Variants in CSAD observed in about 807,000 individuals in gnomAD.
CSAD encodes cysteine sulfinic acid decarboxylase, also known as P-selectin cytoplasmic tail-associated protein.
Under a neutral mutation model 61.5 loss-of-function variants are expected in CSAD, and 47 were observed. That is an observed-to-expected ratio of 0.76 (90% CI 0.60 to 0.97). CSAD has a LOEUF of 0.97. Among genes scored for constraint, CSAD ranks in the 50% least tolerant of loss-of-function variants. The pLI is 0.00. For missense variants in CSAD, 611 were observed against 643.6 expected (o/e 0.95, Z 0.55); for synonymous variants, 245 against 252.7 (o/e 0.97, Z 0.29).
chr12:53,180,650 T>G, intron 1 of CSAD, 82 bp downstream of exon 1: 1 of 1,283,350 alleles, frequency 7.8e-7, no homozygotes, highest in Non-Finnish European at 1.0e-6. Context: ...CGGAAGTGGA[T>G]GCAGCCGCTC....
rs1437630630 is a variant in CSAD at position 53,159,616 on chromosome 12, C to T, written c.1308+7G>A. 2.7e-5 allele frequency: 44 copies of T among 1,607,664 alleles called. No homozygotes were observed. The highest frequency in any genetic ancestry group is 3.7e-5 in the Non-Finnish European group (43 of 1,176,896). On this transcript the variant is annotated splice_region_variant and intron_variant, in intron 16 of 16. Coordinates refer to ENST00000444623, the MANE Select transcript of CSAD (RefSeq NM_001244705.2). ...AACGGGTAAAGAGAGCAGCACAGCA[C>T]GCCTACCTTTGACAGCCTTTCGTGG...
chr12:53,176,166 G>C (rs1031191834), intron 2 of CSAD, among the ~76,000 whole-genome samples: 22 of 151,772 alleles, frequency 1.4e-4, no homozygotes, highest in Non-Finnish European at 2.5e-4. Flanking sequence ...TTGGGAGGCC[G>C]AGGCAGGTGG....
chr12:53,176,534 A>G (rs544553867), intron 2 of CSAD, among the ~76,000 whole-genome samples: 37 of 152,096 alleles, frequency 2.4e-4, no homozygotes, highest in African/African-American at 8.9e-4. Context: ...CCTGGCTAAT[A>G]TGGTGAAACC....
intron 4 of CSAD, among the ~76,000 whole-genome samples, 192 bp from the exon 5 acceptor site, chr12:53,172,840 A>AG (rs961757523): frequency 6.6e-6 from 1 of 152,190 alleles, no homozygotes; most frequent in Non-Finnish European, 1.5e-5. Context: ...TGAGGTACCC[A>AG]GGGGGGCAGG....
chr12:53,171,799 T>C (rs545664011), intron 7 of CSAD, 83 bp downstream of exon 7: 7 of 953,668 alleles, frequency 7.3e-6, no homozygotes, highest in Non-Finnish European at 4.9e-6. Context: ...CATCCCTCCC[T>C]GCCAGACACT....
rs539343746 is a variant in CSAD at position 53,171,124 on chromosome 12, C to A, written c.567+202G>T. ...TGGACTGTGTCCACTGCACTCACGG[C>A]CCCTCCTCTGCCCCCAAACAGAAGG... On this transcript the variant is annotated intron_variant, in intron 8 of 16. Coordinates refer to ENST00000444623, the MANE Select transcript of CSAD (RefSeq NM_001244705.2). 45 of 752,832 alleles carry A rather than the reference C, an allele frequency of 6.0e-5. No individual in the cohort carries two copies. The East Asian group carries it at 1.1e-3, about 18-fold the overall frequency. 46.6% of individuals were successfully genotyped at this position (752,832 alleles called of 1,614,324 possible).
At chr12:53,170,528 T>G in intron 8 of CSAD, 26 bp from the exon 9 acceptor site, 1 of 1,579,806 alleles carries the variant, frequency 6.3e-7, no homozygotes, top group Non-Finnish European at 8.7e-7. Context: ...GAGGGCAAGT[T>G]AGCACAACTT....
chr12:53,171,594 G>T, intron 7 of CSAD, 153 bp from the exon 8 acceptor site: 1 of 730,230 alleles, frequency 1.4e-6, no homozygotes, highest in Non-Finnish European at 2.2e-6. Flanking sequence ...TCCCAGAATG[G>T]ATCCAGGATC....
rs753082648 is a variant in CSAD at position 53,171,897 on chromosome 12, C to T, written c.436G>A (p.Gly146Arg). The T allele has an allele frequency of 4.3e-6, 7 of 1,612,502 alleles. No homozygotes were observed. The highest frequency in any genetic ancestry group is 2.7e-5 in the African/African-American group (2 of 74,872). Reference protein sequence around the residue: ...RALVGWSSGDGIFCPGGSISN... With the variant: ...RALVGWSSGDRIFCPGGSISN... ...TCTCACAAACCAGGGCAGAAGATTCCGTCCCCAGAGCTCCAGCCCACCAGG... is the reference window on the plus strand; with the variant it reads ...TCTCACAAACCAGGGCAGAAGATTCTGTCCCCAGAGCTCCAGCCCACCAGG... Residue 146 changes from glycine to arginine, a missense_variant, in exon 7 of 17, where the codon GGA (glycine) becomes AGA (arginine). By Grantham distance (125) the Gly-to-Arg change is moderately radical. Transcript: ENST00000444623.
In CSAD at chr12:53,173,793, G is replaced by A. The variant is rs781344722; in HGVS notation, c.-49-23C>T. On this transcript the variant is annotated intron_variant, in intron 2 of 16. Coordinates refer to ENST00000444623, the MANE Select transcript of CSAD (RefSeq NM_001244705.2). The stretch of plus-strand genomic sequence containing the variant: ...CTCCTCAGGACAGCAGGACCAAGAT[G>A]GCAGAGGAAGTGGGGTGAAAAGTGT... 6.8e-6 allele frequency: 11 copies of A among 1,612,212 alleles called. No individual in the cohort carries two copies. The Admixed American group carries it at 1.7e-4, about 25-fold the overall frequency.
Position 53,160,127 on chromosome 12 carries a change from G to A in CSAD, c.1159C>T (p.Leu387Phe), listed in dbSNP as rs2121383692. 1 of 1,613,262 alleles carries A rather than the reference G, an allele frequency of 6.2e-7. No homozygotes were observed. Among genetic ancestry groups the A allele is most frequent in the South Asian group, 1.1e-5 (1 of 91,074 alleles). The change falls in exon 14 of 17, where the codon CTT (leucine) becomes TTT (phenylalanine). Residue 387 changes from leucine to phenylalanine, a missense_variant. Transcript: ENST00000444623. Reference sequence around the variant, plus strand: ...CCACCTCCTCCCGCCTACCGGGCAAGGACAAAGGCCTGGTCGATGCGCCGC... The same window carrying A: ...CCACCTCCTCCCGCCTACCGGGCAAAGACAAAGGCCTGGTCGATGCGCCGC... ...LERRIDQAFVLARYLVEEMKK... is the reference protein window; with the variant it reads ...LERRIDQAFVFARYLVEEMKK...
intron 10 of CSAD, chr12:53,164,311 C>A: frequency 5.9e-6 from 1 of 169,174 alleles, no homozygotes; most frequent in Non-Finnish European, 1.3e-5. Context: ...AGTCCAATAG[C>A]AAAGACATGG....
chr12:53,171,689 A>G, intron 7 of CSAD, 193 bp downstream of exon 7: 2 of 618,124 alleles, frequency 3.2e-6, no homozygotes, highest in Non-Finnish European at 5.6e-6. Context: ...GAACTAGACC[A>G]CTGACCCCAG....
At chr12:53,165,984 T>A (rs933165550) in intron 10 of CSAD, among the ~76,000 whole-genome samples, 3 of 152,222 alleles carry the variant, frequency 2.0e-5, no homozygotes, top group Admixed American at 2.0e-4. Flanking sequence ...TCTCACATGC[T>A]ACGACGTGGA....
intron 16 of CSAD, among the ~76,000 whole-genome samples, chr12:53,159,105 C>T (rs1938928835): frequency 6.6e-6 from 1 of 152,202 alleles, no homozygotes; most frequent in South Asian, 2.1e-4. Flanking sequence ...ATTTACAACA[C>T]TGCCTTGAAC....
intron 1 of CSAD, chr12:53,179,802 T>G (rs199626180): frequency 6.2e-7 from 1 of 1,613,700 alleles, no homozygotes; most frequent in Non-Finnish European, 8.5e-7. Context: ...TTCAGTGGAA[T>G]TGACATCTCC....
intron 10 of CSAD, among the ~76,000 whole-genome samples, chr12:53,167,109 G>C (rs1188633857): frequency 2.0e-5 from 3 of 152,068 alleles, no homozygotes. Context: ...ACAAAACAAA[G>C]CAAAATAAAA....
At chr12:53,162,567 CTAAA>C (rs978875915) in intron 10 of CSAD, among the ~76,000 whole-genome samples, 24 of 152,098 alleles carry the variant, frequency 1.6e-4, no homozygotes, top group Admixed American at 9.8e-4. Context: ...AACTCTGTCT[CTAAA>C]TAAATAAATA....
chr12:53,159,112 G>C (rs1478638674), intron 16 of CSAD, among the ~76,000 whole-genome samples: 1 of 152,100 alleles, frequency 6.6e-6, no homozygotes, highest in Non-Finnish European at 1.5e-5. Flanking sequence ...ACACTGCCTT[G>C]AACACATTGC....
Sources: allele counts gnomAD v4.1 joint callset (sites outside exome capture counted in the v4.1 genomes callset), GRCh38; gene constraint gnomAD v4.1.1; transcripts MANE v1.5; gene names NCBI Gene and HGNC (gene_info 2026-07-23, HGNC 2026-07-21).